Variants in KIF1B observed in about 807,000 individuals in gnomAD.
KIF1B encodes the protein kinesin-like protein KIF1B.
A neutral mutation model predicts 241.9 loss-of-function variants in KIF1B; 76 were observed. The ratio of observed to expected loss-of-function variants is 0.31; its 90% CI spans 0.26 to 0.38. The LOEUF (loss-of-function observed/expected upper bound fraction) is 0.38, where lower values mean the gene tolerates loss of function less well. KIF1B is among the 10% of genes least tolerant of loss of function. The pLI is 1.00. For missense variants in KIF1B, 1,622 were observed against 2,271.4 expected (o/e 0.71, Z 5.81); for synonymous variants, 750 against 796.7 (o/e 0.94, Z 0.99).
At chr1:10,222,436 T>C (rs1646857638) in intron 1 of KIF1B, among the ~76,000 whole-genome samples, 1 of 152,190 alleles carries the variant, frequency 6.6e-6, no homozygotes, top group South Asian at 2.1e-4. Flanking sequence ...GGCAACCAAC[T>C]GAAGGTTTTT....
rs755937418 is a variant in KIF1B at position 10,365,504 on chromosome 1, T to C, written c.4608T>C (p.Ser1536=). The change falls in exon 43 of 49, where the codon AGT becomes AGC. Residue 1536 remains serine (S), a synonymous_variant. Coordinates refer to ENST00000676179, the MANE Select transcript of KIF1B (RefSeq NM_001365951.3). The surrounding 1 kb of genome is among the most constrained non-coding windows in gnomAD (Gnocchi z 4.0). ...LSDSLSPSLS[S]GTLSTSTSIS... Reference sequence around the variant, plus strand: ...ACTCGTTATCCCCCAGCCTCAGCAGTGGGACCCTCAGCACCTCCACCAGTA... The same window carrying C: ...ACTCGTTATCCCCCAGCCTCAGCAGCGGGACCCTCAGCACCTCCACCAGTA... 6.2e-7 allele frequency: 1 copy of C among 1,614,114 alleles called. No individual in the cohort carries two copies. The highest frequency in any genetic ancestry group is 1.7e-5 in the Admixed American group (1 of 60,002).
At chr1:10,211,730 G>A (rs1006386914) in intron 1 of KIF1B, 3 of 151,196 alleles carry the variant, frequency 2.0e-5, no homozygotes, top group African/African-American at 7.3e-5. Flanking sequence ...TGCTAAATGA[G>A]CTTCCAAGGT....
intron 2 of KIF1B, among the ~76,000 whole-genome samples, chr1:10,238,777 CT>C (rs978625048): frequency 2.6e-5 from 4 of 152,008 alleles, no homozygotes; most frequent in Non-Finnish European, 5.9e-5. Context: ...AATTTGTATA[CT>C]TTTTTTAGTA....
At chr1:10,325,361 T>A (rs1215229407) in intron 26 of KIF1B, among the ~76,000 whole-genome samples, 3 of 152,218 alleles carry the variant, frequency 2.0e-5, no homozygotes, top group African/African-American at 4.8e-5. Context: ...CATTTTTTTT[T>A]TATACATTAT....
chr1:10,274,615 T>C (rs1391657639), intron 10 of KIF1B, among the ~76,000 whole-genome samples: 1 of 152,196 alleles, frequency 6.6e-6, no homozygotes, highest in East Asian at 1.9e-4. Flanking sequence ...ACCAATGACA[T>C]GGTGGTTGGC....
Position 10,365,178 on chromosome 1 carries a change from G to A in KIF1B, c.4445G>A (p.Arg1482Gln), listed in dbSNP as rs367778973. The A allele has an allele frequency of 3.2e-5, 51 of 1,613,844 alleles. No individual in the cohort carries two copies. The highest frequency in any genetic ancestry group is 2.0e-4 in the Admixed American group (12 of 59,960). Reference sequence around the variant, plus strand: ...GGAGAAGAGAACTTAGCAGGCTGGCGGCCCCGTGGAGACAGCCTCATCCTT... The same window carrying A: ...GGAGAAGAGAACTTAGCAGGCTGGCAGCCCCGTGGAGACAGCCTCATCCTT... ...VRGEENLAGW[R>Q]PRGDSLILEH... Residue 1482 changes from arginine (R) to glutamine (Q), a missense_variant, in exon 42 of 49, where the codon CGG (arginine) becomes CAG (glutamine). Arg to Gln is a conservative substitution (Grantham distance 43). Around this residue, in one of 7 missense-constraint regions of KIF1B, gnomAD observed 803 missense variants for 1,112.0 expected, o/e 0.72. Transcript: ENST00000676179. The surrounding 1 kb of genome is among the most constrained non-coding windows in gnomAD (Gnocchi z 4.0).
intron 45 of KIF1B, among the ~76,000 whole-genome samples, chr1:10,373,567 A>G (rs1306894657): frequency 6.6e-6 from 1 of 152,118 alleles, no homozygotes; most frequent in Non-Finnish European, 1.5e-5. Context: ...AGAATGAAGT[A>G]TGAGAAAAAG....
At chr1:10,215,006 G>A (rs1646744051) in intron 1 of KIF1B, among the ~76,000 whole-genome samples, 1 of 151,320 alleles carries the variant, frequency 6.6e-6, no homozygotes, top group African/African-American at 2.4e-5. Context: ...TCTTTGTAAT[G>A]TTGTATGTAC....
intron 24 of KIF1B, among the ~76,000 whole-genome samples, chr1:10,322,997 A>G (rs1651581768): frequency 1.3e-5 from 2 of 152,104 alleles, no homozygotes; most frequent in Admixed American, 1.3e-4. Context: ...ACAGTGGCGC[A>G]ATTATGGCTC....
chr1:10,242,496 G>T (rs943136546), intron 2 of KIF1B, among the ~76,000 whole-genome samples: 9 of 152,166 alleles, frequency 5.9e-5, no homozygotes, highest in African/African-American at 2.2e-4. Context: ...GTACAAATAT[G>T]ATAGTAACAA....
chr1:10,330,846 G>A (rs552386169), intron 27 of KIF1B, among the ~76,000 whole-genome samples: 59 of 152,284 alleles, frequency 3.9e-4, no homozygotes, highest in African/African-American at 1.3e-3. Context: ...TTAAATAATT[G>A]CACAAATAAA....
At chr1:10,236,306 A>AAC (rs1553161281) in intron 2 of KIF1B, among the ~76,000 whole-genome samples, 1,563 of 148,738 alleles carry the variant, frequency 0.011, 21 homozygotes, top group African/African-American at 0.031. Flanking sequence ...ACAACAACAA[A>AAC]AACCCATATA....
Position 10,329,733 on chromosome 1 carries a change from A to AG in KIF1B, c.2924+3379dup, listed in dbSNP as rs1553167982. Among the ~76,000 whole-genome samples the AG allele has an allele frequency of 1.4e-4, 19 of 131,520 alleles. No homozygotes were observed. In the East Asian group the frequency reaches 2.5e-3, roughly 18 times the overall value. 86.3% of individuals were successfully genotyped at this position (131,520 alleles called of 152,430 possible). On this transcript the variant is annotated intron_variant, in intron 27 of 48. Coordinates refer to ENST00000676179, the MANE Select transcript of KIF1B (RefSeq NM_001365951.3). ...GGGCAACAGAGCAAAGACTCTGTCT[A>AG]GGGGGAAAAAAAAATTAGTTTCTTG...
chr1:10,300,018 C>T (rs1650459267), intron 22 of KIF1B, among the ~76,000 whole-genome samples: 2 of 152,000 alleles, frequency 1.3e-5, no homozygotes, highest in Admixed American at 1.3e-4. Context: ...TGGCAGATCA[C>T]TTGAGGTCAG....
chr1:10,303,338 C>T lies in KIF1B; in HGVS notation c.2115+6092C>T. The T allele has an allele frequency of 6.2e-7, 1 of 1,614,082 alleles. No homozygotes were observed. The highest frequency in any genetic ancestry group is 1.3e-5 in the African/African-American group (1 of 75,000). ...GAACCAATTAAAATGTATCAGATAC[C>T]CCAAAGAAGGCGCTTGAGTAAAGAT... On this transcript the variant is annotated intron_variant, in intron 22 of 48. Coordinates refer to ENST00000676179, the MANE Select transcript of KIF1B (RefSeq NM_001365951.3). The surrounding 1 kb of genome is among the most constrained non-coding windows in gnomAD (Gnocchi z 5.2).
At chr1:10,359,947 C>T (rs1239127927) in intron 38 of KIF1B, among the ~76,000 whole-genome samples, 5 of 152,000 alleles carry the variant, frequency 3.3e-5, no homozygotes, top group African/African-American at 9.7e-5. Flanking sequence ...TCAAGAGAAT[C>T]GCTTGAACCC....
chr1:10,291,987 T>C, intron 16 of KIF1B, 60 bp from the exon 17 acceptor site: 1 of 1,408,816 alleles, frequency 7.1e-7, no homozygotes, highest in Non-Finnish European at 1.0e-6. Flanking sequence ...CCAATTCATA[T>C]TAGACTGATT....
At chr1:10,321,668 T>C (rs1651528191) in intron 23 of KIF1B, 41 bp from the exon 24 acceptor site, 1 of 1,604,738 alleles carries the variant, frequency 6.2e-7, no homozygotes, top group East Asian at 2.2e-5. Context: ...TTTTATATAG[T>C]TGTAAGATTG....
At chr1:10,271,710 G>T in intron 8 of KIF1B, 131 bp downstream of exon 8, 1 of 733,562 alleles carries the variant, frequency 1.4e-6, no homozygotes, top group South Asian at 1.4e-5. Context: ...GCACTACAAT[G>T]GCAGTGTTGT....
Sources: gnomAD v4.1 joint callset for allele counts (sites outside exome capture counted in the v4.1 genomes callset) on GRCh38, gnomAD v4.1.1 for gene constraint, gnomAD v4.1.1 regional missense constraint, Gnocchi (gnomAD v3.1) non-coding constraint, MANE v1.5 for transcripts, NCBI Gene and HGNC (gene_info 2026-07-23, HGNC 2026-07-21) for gene names.